Variants in ST6GAL1 observed in about 807,000 individuals in gnomAD.
ST6GAL1 encodes beta-galactoside alpha-2,6-sialyltransferase 1.
ST6GAL1 carries 20 observed loss-of-function variants against 38.0 expected under a neutral mutation model. The observed-to-expected ratio is 0.53, with a 90% CI of 0.37 to 0.77. ST6GAL1 has a LOEUF of 0.77. Among genes scored for constraint, ST6GAL1 ranks in the 30% least tolerant of loss-of-function variants. The pLI, the probability that ST6GAL1 is intolerant of heterozygous loss-of-function variation, is 0.00. For synonymous variants in ST6GAL1, 196 were observed against 188.2 expected (o/e 1.04, Z -0.34); for missense variants, 432 against 496.4 (o/e 0.87, Z 1.23).
chr3:186,941,370 T>C (rs1211758134), intron 1 of ST6GAL1, among the ~76,000 whole-genome samples: 3 of 152,200 alleles, frequency 2.0e-5, no homozygotes, highest in Non-Finnish European at 4.4e-5. Context: ...TATGCTTCCC[T>C]GGGTCCCCTC....
At chr3:187,039,851 A>G (rs1415009309) in intron 3 of ST6GAL1, among the ~76,000 whole-genome samples, 4 of 152,236 alleles carry the variant, frequency 2.6e-5, no homozygotes, top group Non-Finnish European at 5.9e-5. Flanking sequence ...AAGGGACCAC[A>G]TGAGCCCTTA....
At chr3:186,989,933 C>A (rs572216590) in intron 2 of ST6GAL1, among the ~76,000 whole-genome samples, 2 of 152,192 alleles carry the variant, frequency 1.3e-5, no homozygotes. Context: ...CTTATCCACC[C>A]TTATCTGTAG....
intron 5 of ST6GAL1, among the ~76,000 whole-genome samples, chr3:187,056,591 G>C (rs897511297): frequency 4.4e-4 from 67 of 152,288 alleles, no homozygotes; most frequent in Admixed American, 3.7e-3. Flanking sequence ...GAAATTCTGG[G>C]TTGAAAATTC....
chr3:187,013,107 G>A (rs973202885), intron 2 of ST6GAL1, among the ~76,000 whole-genome samples: 3 of 152,232 alleles, frequency 2.0e-5, no homozygotes, highest in African/African-American at 7.2e-5. Context: ...TAATGGAGGA[G>A]ACCTTTAGCG....
At position 186,966,422 on chromosome 3, in the gene ST6GAL1, G is replaced by A. The variant is rs567127638; in HGVS notation, c.-183+2496G>A. Among the ~76,000 whole-genome samples the A allele has an allele frequency of 7.2e-5, 11 of 152,298 alleles. No homozygotes were observed. The South Asian group carries it at 2.3e-3, about 32-fold the overall frequency. ...AAAGAGACTTCTGCAAGATTTCACAGCTCATAAGCAAAAGAGATACACTAA... is the reference window on the plus strand; with the variant it reads ...AAAGAGACTTCTGCAAGATTTCACAACTCATAAGCAAAAGAGATACACTAA... On this transcript the variant is annotated intron_variant, in intron 2 of 7. Transcript: ENST00000169298.
chr3:186,975,066 T>C (rs1040453667), intron 2 of ST6GAL1: 3 of 152,552 alleles, frequency 2.0e-5, no homozygotes, highest in Non-Finnish European at 4.4e-5. Flanking sequence ...GTGGGTCTGC[T>C]GTTTACAGTG....
rs529633808 is a variant in ST6GAL1, at chr3:186,968,558, C to A, written c.-183+4632C>A. 1.2e-4 allele frequency among the ~76,000 whole-genome samples: 19 copies of A among 152,308 alleles called. 1 individual carries two copies. In the South Asian group the frequency reaches 3.5e-3, roughly 28 times the overall value. On this transcript the variant is annotated intron_variant, in intron 2 of 7. Coordinates refer to ENST00000169298, the MANE Select transcript of ST6GAL1 (RefSeq NM_173216.2). The stretch of plus-strand genomic sequence containing the variant: ...TCTCCTGCCCTCCATCCTCAGGCAA[C>A]CACTGGACTAAGCTGCTTTCTCACA...
At chr3:187,029,217 G>A (rs928924942) in intron 2 of ST6GAL1, among the ~76,000 whole-genome samples, 6 of 152,054 alleles carry the variant, frequency 3.9e-5, no homozygotes, top group African/African-American at 1.4e-4. Flanking sequence ...CTTGACTCAC[G>A]AGAGGTGTTT....
intron 2 of ST6GAL1, among the ~76,000 whole-genome samples, chr3:187,002,431 C>T (rs904029369): frequency 6.6e-6 from 1 of 152,260 alleles, no homozygotes; most frequent in Non-Finnish European, 1.5e-5. Flanking sequence ...GCTCATTCCT[C>T]TCCCTGGTCT....
chr3:187,010,524 C>T lies in ST6GAL1; in HGVS notation c.-182-28218C>T, dbSNP rs560056121. On this transcript the variant is annotated intron_variant, in intron 2 of 7. Coordinates refer to ENST00000169298, the MANE Select transcript of ST6GAL1 (RefSeq NM_173216.2). ...CTGGAGTGCAGTGGTGGTGTAATGCCCAACCTTGTTTTTACTAACCCTGTT... is the reference window on the plus strand; with the variant it reads ...CTGGAGTGCAGTGGTGGTGTAATGCTCAACCTTGTTTTTACTAACCCTGTT... Among the ~76,000 whole-genome samples the T allele has an allele frequency of 9.4e-5, 14 of 149,480 alleles. No homozygotes were observed. The South Asian group carries it at 2.2e-3, about 24-fold the overall frequency.
At chr3:187,036,989 T>G (rs1717953464) in intron 2 of ST6GAL1, among the ~76,000 whole-genome samples, 3 of 152,234 alleles carry the variant, frequency 2.0e-5, no homozygotes, top group Admixed American at 6.5e-5. Flanking sequence ...TCATTTGTCA[T>G]CAGAACTATG....
At position 187,063,447 on chromosome 3, in the gene ST6GAL1, C is replaced by T. The variant is rs191189306; in HGVS notation, c.706-9402C>T. ...TAATTGTCATTGAGGTGAGTGGGAC[C>T]GTCAGTAAACCTGATGAATGGAGTA... is the stretch of plus-strand genomic sequence containing the variant. On this transcript the variant is annotated intron_variant, in intron 5 of 7. Transcript: ENST00000169298. Among the ~76,000 whole-genome samples the T allele has an allele frequency of 2.0e-5, 3 of 152,228 alleles. No individual in the cohort carries two copies. In the East Asian group the frequency reaches 5.8e-4, roughly 29 times the overall value.
At chr3:186,981,847 C>T (rs1407242244) in intron 2 of ST6GAL1, among the ~76,000 whole-genome samples, 1 of 152,120 alleles carries the variant, frequency 6.6e-6, no homozygotes, top group African/African-American at 2.4e-5. Context: ...TGAAGGAAAC[C>T]CTCTGAATGA....
At chr3:186,992,093 A>C (rs1716191795) in intron 2 of ST6GAL1, among the ~76,000 whole-genome samples, 1 of 152,118 alleles carries the variant, frequency 6.6e-6, no homozygotes, top group Non-Finnish European at 1.5e-5. Flanking sequence ...AATACCTTCC[A>C]AAATTCTAAA....
At chr3:187,056,977 A>G (rs1718725006) in intron 5 of ST6GAL1, among the ~76,000 whole-genome samples, 1 of 151,982 alleles carries the variant, frequency 6.6e-6, no homozygotes, top group African/African-American at 2.4e-5. Flanking sequence ...ATAGTCCCAT[A>G]TTTCTTGGAG....
chr3:187,071,691 C>T (rs1285564396), intron 5 of ST6GAL1, among the ~76,000 whole-genome samples: 2 of 147,018 alleles, frequency 1.4e-5, no homozygotes, highest in African/African-American at 2.5e-5. Context: ...ACCCGGGAGG[C>T]GGAGCCTGCA....
At chr3:186,979,336 AT>A (rs1382280154) in intron 2 of ST6GAL1, among the ~76,000 whole-genome samples, 1 of 152,112 alleles carries the variant, frequency 6.6e-6, no homozygotes, top group African/African-American at 2.4e-5. Context: ...CCTAGGACCT[AT>A]TGAGAGAAGG....
At chr3:187,001,236 C>T (rs1456004209) in intron 2 of ST6GAL1, among the ~76,000 whole-genome samples, 1 of 152,212 alleles carries the variant, frequency 6.6e-6, no homozygotes, top group African/African-American at 2.4e-5. Context: ...AAAGGGATGA[C>T]CTGCATGTCA....
chr3:186,991,439 T>G (rs964164586), intron 2 of ST6GAL1, among the ~76,000 whole-genome samples: 34 of 152,136 alleles, frequency 2.2e-4, no homozygotes, highest in African/African-American at 8.2e-4. Context: ...GAAGGGTTCC[T>G]AACTCACACT....
Sources: allele counts gnomAD v4.1 joint callset (sites outside exome capture counted in the v4.1 genomes callset), GRCh38; gene constraint gnomAD v4.1.1; transcripts MANE v1.5; gene names NCBI Gene and HGNC (gene_info 2026-07-23, HGNC 2026-07-21).